The following IGF2BP1 variants were observed in gnomAD, a reference collection of about 807,000 sequenced individuals.
The protein encoded by IGF2BP1 is insulin like growth factor 2 mRNA binding protein 1.
A neutral mutation model predicts 74.9 loss-of-function variants in IGF2BP1; 11 were observed. The observed-to-expected ratio is 0.15, with a 90% CI of 0.09 to 0.24. IGF2BP1 has a LOEUF of 0.24. IGF2BP1 is among the 10% of genes least tolerant of loss of function. The pLI, the probability that IGF2BP1 is intolerant of heterozygous loss-of-function variation, is 1.00. For missense variants in IGF2BP1, 440 were observed against 757.4 expected (o/e 0.58, Z 4.92); for synonymous variants, 287 against 281.8 (o/e 1.02, Z -0.18).
In IGF2BP1 at chr17:49,044,095, C is replaced by T. The variant is rs764595269; in HGVS notation, c.1320+9C>T. ...CCAGCGCCTCCATCAAGGTGATCTG[C>T]TCTGTGGGTCTTCCTGTTTCTGGAA... On this transcript the variant is annotated intron_variant, in intron 11 of 14. Transcript: ENST00000290341. The T allele has an allele frequency of 3.1e-6, 5 of 1,612,812 alleles. No individual in the cohort carries two copies. The highest frequency in any genetic ancestry group is 4.2e-6 in the Non-Finnish European group (5 of 1,179,532).
In IGF2BP1 at chr17:49,023,826, T is replaced by A. The variant is rs1012979441; in HGVS notation, c.237-1792T>A. Among the ~76,000 whole-genome samples, 5 of 152,022 alleles carry A rather than the reference T, an allele frequency of 3.3e-5. No homozygotes were observed. In the East Asian group the frequency reaches 7.7e-4, roughly 23 times the overall value. On this transcript the variant is annotated intron_variant, in intron 2 of 14. Transcript: ENST00000290341. ...CCAATGCATCAAGTCAATTTAAAAA[T>A]CTTAAACCCAGGGATTAGCGCATTT...
intron 2 of IGF2BP1, among the ~76,000 whole-genome samples, chr17:49,007,735 T>A (rs2041566976): frequency 6.6e-6 from 1 of 152,024 alleles, no homozygotes; most frequent in East Asian, 1.9e-4. Flanking sequence ...AGCTGTTGGG[T>A]GGAGTAAACT....
chr17:48,999,670 T>C (rs563208340), intron 2 of IGF2BP1, among the ~76,000 whole-genome samples: 2 of 151,996 alleles, frequency 1.3e-5, no homozygotes, highest in Non-Finnish European at 2.9e-5. Flanking sequence ...GCTTGTACTT[T>C]ATTTATATTT....
rs912867705 is a variant in IGF2BP1, at chr17:49,049,622, C to T, written c.*178C>T. ...GTGAGGAACCCTGATCTCTCAGCCC[C>T]AAACACCCACCCAATTGGCCCAACA... On this transcript the variant is annotated 3_prime_UTR_variant, in exon 15 of 15. Transcript: ENST00000290341. 3 of 581,084 alleles carry T rather than the reference C, an allele frequency of 5.2e-6. No homozygotes were observed. The highest frequency in any genetic ancestry group is 5.9e-5 in the Admixed American group (2 of 33,730). 36.0% of individuals were successfully genotyped at this position (581,084 alleles called of 1,614,324 possible). A position where few individuals can be genotyped will look rare whatever the true frequency, so the allele number is the denominator to read the frequency against.
chr17:49,025,313 A>AGTT (rs1555598807), intron 2 of IGF2BP1, among the ~76,000 whole-genome samples: 1 of 133,554 alleles, frequency 7.5e-6, no homozygotes, highest in Non-Finnish European at 1.6e-5. Flanking sequence ...GGACAAACAA[A>AGTT]GTGTGTGTGT....
intron 2 of IGF2BP1, among the ~76,000 whole-genome samples, chr17:49,009,169 T>C (rs1379473874): frequency 6.6e-6 from 1 of 151,870 alleles, no homozygotes; most frequent in Non-Finnish European, 1.5e-5. Context: ...GCTGGGACTA[T>C]AGGTGTGCGC....
In IGF2BP1 at chr17:49,043,409, C is replaced by T. The variant is rs1454575941; in HGVS notation, c.1078-19C>T. 15 of 1,613,142 alleles carry T rather than the reference C, an allele frequency of 9.3e-6. No homozygotes were observed. The East Asian group carries it at 2.4e-4, about 26-fold the overall frequency. On this transcript the variant is annotated intron_variant, in intron 9 of 14. Coordinates refer to ENST00000290341, the MANE Select transcript of IGF2BP1 (RefSeq NM_006546.4). ...CTGTCAGGGTGTGCTGACTCTTCCTCCTCATCTTTCTTCCCCAGCTGCAGT... is the reference window on the plus strand; with the variant it reads ...CTGTCAGGGTGTGCTGACTCTTCCTTCTCATCTTTCTTCCCCAGCTGCAGT...
chr17:49,001,413 A>G (rs868071858), intron 2 of IGF2BP1, among the ~76,000 whole-genome samples: 6 of 152,290 alleles, frequency 3.9e-5, no homozygotes, highest in Middle Eastern at 6.8e-3. Flanking sequence ...TATGATTTCA[A>G]TTTCTAAAAT....
At chr17:49,001,058 T>G (rs62078399) in intron 2 of IGF2BP1, among the ~76,000 whole-genome samples, 7,244 of 152,280 alleles carry the variant, frequency 0.048, 214 homozygotes, top group East Asian at 0.11. Flanking sequence ...TGCTTTTTAT[T>G]TTGGTTGGTG....
intron 13 of IGF2BP1, 110 bp from the exon 14 acceptor site, chr17:49,046,150 C>T: frequency 1.4e-6 from 2 of 1,449,094 alleles, no homozygotes; most frequent in South Asian, 2.4e-5. Context: ...ACTCCCCAAG[C>T]TCAGGTCCTG....
At chr17:49,037,169 G>C (rs1367121635) in intron 5 of IGF2BP1, 3 of 459,972 alleles carry the variant, frequency 6.5e-6, no homozygotes, top group Non-Finnish European at 1.3e-5. Context: ...AAGATGTTTG[G>C]ATCCCTAAAA....
intron 1 of IGF2BP1, 91 bp from the exon 2 acceptor site, chr17:48,999,015 ACTC>A: frequency 1.3e-6 from 1 of 746,680 alleles, no homozygotes; most frequent in South Asian, 1.6e-5. Context: ...AATCCCAGTA[ACTC>A]CTGAATTATC....
rs560218666 is a variant in IGF2BP1, at chr17:49,055,513, C to T, written c.*6069C>T. ...TGCTTAAATCTTGACTGGCACTTCC[C>T]GGCTGTGGGGGCTGGGGAGCCACTT... On this transcript the variant is annotated 3_prime_UTR_variant, in exon 15 of 15. Transcript: ENST00000290341. 29 of 395,592 alleles carry T rather than the reference C, an allele frequency of 7.3e-5. No homozygotes were observed. Among genetic ancestry groups the T allele is most frequent in the East Asian group, 6.4e-4 (18 of 27,964 alleles). The allele number at this position is 395,592 out of a possible 1,614,324, so 24.5% of individuals were successfully genotyped here. A position where few individuals can be genotyped will look rare whatever the true frequency, so the allele number is the denominator to read the frequency against.
intron 2 of IGF2BP1, among the ~76,000 whole-genome samples, chr17:49,020,199 A>G (rs1424946267): frequency 6.6e-6 from 1 of 151,546 alleles, no homozygotes; most frequent in African/African-American, 2.4e-5. Flanking sequence ...GTGCTCCATT[A>G]CGCCCAGCTA....
chr17:48,997,965 G>A lies in IGF2BP1; in HGVS notation c.175+45G>A, dbSNP rs974076999. On this transcript the variant is annotated intron_variant, in intron 1 of 14. Transcript: ENST00000290341. This position sits in a 1 kb window ranked among gnomAD's most constrained non-coding sequence, Gnocchi z 4.8. ...CCGGAAAAGCCACAACGAGAGCCCC[G>A]AACAACGGAGACCCGCACCTTCCGG... 3 of 1,590,154 alleles carry A rather than the reference G, an allele frequency of 1.9e-6. No homozygotes were observed. Among genetic ancestry groups the A allele is most frequent in the African/African-American group, 1.3e-5 (1 of 74,286 alleles).
rs1364636612 is a variant in IGF2BP1 at position 49,035,924 on chromosome 17, C to T, written c.402-2244C>T. Among the ~76,000 whole-genome samples, 3 of 152,100 alleles carry T rather than the reference C, an allele frequency of 2.0e-5. No individual in the cohort carries two copies. In the East Asian group the frequency reaches 5.8e-4, roughly 29 times the overall value. On this transcript the variant is annotated intron_variant, in intron 5 of 14. Transcript: ENST00000290341. Reference sequence around the variant, plus strand: ...GGCCGGACCTCCTTGTGGGAGGGCCCGGGACTGCACTAGGCGGGAGTGGAG... The same window carrying T: ...GGCCGGACCTCCTTGTGGGAGGGCCTGGGACTGCACTAGGCGGGAGTGGAG...
intron 6 of IGF2BP1, 34 bp from the exon 7 acceptor site, chr17:49,039,923 G>A: frequency 6.2e-7 from 1 of 1,609,864 alleles, no homozygotes; most frequent in Non-Finnish European, 8.5e-7. Flanking sequence ...TATCACTGGG[G>A]ACAACTAACC....
intron 2 of IGF2BP1, chr17:49,014,692 C>T (rs1304554597): frequency 9.7e-6 from 8 of 821,378 alleles, no homozygotes; most frequent in Non-Finnish European, 5.9e-6. Flanking sequence ...ACGCGGATCC[C>T]TGAGGGCTAC....
At chr17:49,032,105 C>T (rs2144084359) in intron 5 of IGF2BP1, 132 bp downstream of exon 5, 1 of 697,364 alleles carries the variant, frequency 1.4e-6, no homozygotes, top group Middle Eastern at 3.8e-4. Context: ...TGATATTAGC[C>T]CAAGCCAAAC....
Sources: gnomAD v4.1 joint callset for allele counts (sites outside exome capture counted in the v4.1 genomes callset) on GRCh38, gnomAD v4.1.1 for gene constraint, Gnocchi (gnomAD v3.1) non-coding constraint, MANE v1.5 for transcripts, NCBI Gene and HGNC (gene_info 2026-07-23, HGNC 2026-07-21) for gene names.